Variants in PCDHGB1 observed in about 807,000 individuals in gnomAD.
The protein encoded by PCDHGB1 is protocadherin gamma subfamily B, 1.
In PCDHGB1, 34 loss-of-function variants were observed where a neutral mutation model predicts 56.6. That is an observed-to-expected ratio of 0.60 (90% CI 0.46 to 0.80). PCDHGB1 has a LOEUF of 0.80. Ranked by LOEUF, PCDHGB1 falls within the 30% of genes least tolerant of loss-of-function variation. The probability of loss-of-function intolerance (pLI) is 0.00; values close to 1 mark genes in which losing one functional copy is unlikely to be tolerated. For missense variants in PCDHGB1, 1,278 were observed against 1,204.6 expected (o/e 1.06, Z -0.90); for synonymous variants, 561 against 505.9 (o/e 1.11, Z -1.46).
intron 1 of PCDHGB1, among the ~76,000 whole-genome samples, chr5:141,482,799 C>T (rs933003208): frequency 6.6e-6 from 1 of 152,086 alleles, no homozygotes; most frequent in Non-Finnish European, 1.5e-5. Flanking sequence ...TGGCCGGGTA[C>T]GGTGGCTCAT....
intron 1 of PCDHGB1, chr5:141,389,481 C>G (rs372276550): frequency 3.7e-5 from 60 of 1,612,962 alleles, no homozygotes; most frequent in African/African-American, 8.0e-5. Flanking sequence ...ACTGCAGGCC[C>G]GCGACCAGGG....
At chr5:141,465,983 A>G (rs1219092160) in intron 1 of PCDHGB1, among the ~76,000 whole-genome samples, 1 of 151,944 alleles carries the variant, frequency 6.6e-6, no homozygotes, top group East Asian at 1.9e-4. Context: ...TTAGCCGGGC[A>G]TGGTGGCAGG....
Position 141,476,698 on chromosome 5 carries a change from G to C in PCDHGB1, c.2410-18109G>C, listed in dbSNP as rs2075661. Reference sequence around the variant, plus strand: ...CGCGGGAGGACAGCACCAAGTACGCGGAGCTGGTGTTGGAGCGCGCCCTGG... The same window carrying C: ...CGCGGGAGGACAGCACCAAGTACGCCGAGCTGGTGTTGGAGCGCGCCCTGG... On this transcript the variant is annotated intron_variant, in intron 1 of 3. Transcript: ENST00000523390. The surrounding 1 kb of genome is among the most constrained non-coding windows in gnomAD (Gnocchi z 7.6). The C allele has an allele frequency of 0.2, 326,683 of 1,614,030 alleles. 35,085 individuals carry two copies. Among genetic ancestry groups the C allele is most frequent in the Admixed American group, 0.37 (22,021 of 59,992 alleles).
At chr5:141,352,960 C>G (rs925936968) in intron 1 of PCDHGB1, among the ~76,000 whole-genome samples, 8 of 152,066 alleles carry the variant, frequency 5.3e-5, no homozygotes, top group Non-Finnish European at 1.2e-4. Context: ...TGCACTCCAG[C>G]CTGGGTGATG....
At chr5:141,509,319 G>A (rs1427191152) in intron 3 of PCDHGB1, among the ~76,000 whole-genome samples, 3 of 152,216 alleles carry the variant, frequency 2.0e-5, no homozygotes, top group African/African-American at 4.8e-5. Context: ...TGGGAGAGAA[G>A]CTCTACTGCC....
Position 141,511,403 on chromosome 5 carries a change from AC to A in PCDHGB1, c.*231del. ...TCCGCTGGGAACCCCCATCCAATCA[AC>A]TGCTGTACCCATGGGGGTAGTGGGG... is the stretch of plus-strand genomic sequence containing the variant. On this transcript the variant is annotated 3_prime_UTR_variant, in exon 4 of 4. Coordinates refer to ENST00000523390, the MANE Select transcript of PCDHGB1 (RefSeq NM_018922.3). 1.1e-6 allele frequency: 1 copy of A among 939,022 alleles called. No homozygotes were observed. The highest frequency in any genetic ancestry group is 1.5e-6 in the Non-Finnish European group (1 of 650,838). The allele number at this position is 939,022 out of a possible 1,614,324, so 58.2% of individuals were successfully genotyped here. A position where few individuals can be genotyped will look rare whatever the true frequency, so the allele number is the denominator to read the frequency against.
At chr5:141,443,790 T>A (rs1178101439) in intron 1 of PCDHGB1, among the ~76,000 whole-genome samples, 2 of 151,832 alleles carry the variant, frequency 1.3e-5, no homozygotes, top group Admixed American at 6.6e-5. Flanking sequence ...ACAAAAAAAA[T>A]GAAAAGGAAA....
chr5:141,491,795 C>G lies in PCDHGB1; in HGVS notation c.2410-3012C>G. The G allele has an allele frequency of 6.6e-7, 1 of 1,511,694 alleles. No individual in the cohort carries two copies. The highest frequency in any genetic ancestry group is 8.8e-7 in the Non-Finnish European group (1 of 1,130,430). The allele number at this position is 1,511,694 out of a possible 1,614,324, so 93.6% of individuals were successfully genotyped here. On this transcript the variant is annotated intron_variant, in intron 1 of 3. Transcript: ENST00000523390. The surrounding 1 kb of genome is among the most constrained non-coding windows in gnomAD (Gnocchi z 6.9). ...GGATTGAACTTGCATCCACTCCTCT[C>G]CGGCCGGCTTGGTCGCTGGCTGCGC...
chr5:141,436,859 A>G (rs550974791), intron 1 of PCDHGB1, among the ~76,000 whole-genome samples: 7 of 152,250 alleles, frequency 4.6e-5, no homozygotes, highest in Non-Finnish European at 1.0e-4. Flanking sequence ...TTGAGAAGCC[A>G]CAGTTTTAGG....
chr5:141,422,030 C>G, intron 1 of PCDHGB1: 1 of 1,609,592 alleles, frequency 6.2e-7, no homozygotes, highest in African/African-American at 1.3e-5. Flanking sequence ...GTTAATGCAA[C>G]GGATCCAGAC....
At chr5:141,413,827 G>A (rs2154544774) in intron 1 of PCDHGB1, 1 of 1,613,200 alleles carries the variant, frequency 6.2e-7, no homozygotes. Context: ...GGTCCTCACC[G>A]CCTCCGACGG....
At chr5:141,405,385 A>G in intron 1 of PCDHGB1, 1 of 1,600,058 alleles carries the variant, frequency 6.2e-7, no homozygotes, top group Non-Finnish European at 8.5e-7. Flanking sequence ...CGGTGAGTTC[A>G]TTTTTTTTCT....
At chr5:141,413,570 A>C in intron 1 of PCDHGB1, 1 of 1,613,930 alleles carries the variant, frequency 6.2e-7, no homozygotes. Context: ...GATATCAATG[A>C]CAATGCTCCA....
chr5:141,366,976 A>C, intron 1 of PCDHGB1: 1 of 544,366 alleles, frequency 1.8e-6, no homozygotes, highest in Non-Finnish European at 3.0e-6. Flanking sequence ...AAATACCTTA[A>C]AGGAAAGTGG....
At chr5:141,453,959 C>A (rs919037104) in intron 1 of PCDHGB1, among the ~76,000 whole-genome samples, 1 of 152,182 alleles carries the variant, frequency 6.6e-6, no homozygotes, top group African/African-American at 2.4e-5. Flanking sequence ...GCACAGACAG[C>A]AAAGCATGTA....
At chr5:141,440,822 A>T (rs1561900737) in intron 1 of PCDHGB1, 2 of 152,058 alleles carry the variant, frequency 1.3e-5, no homozygotes, top group Non-Finnish European at 2.9e-5. Context: ...TCAACTCCTG[A>T]TCCTATTGGT....
At chr5:141,372,522 G>T in intron 1 of PCDHGB1, 1 of 1,613,986 alleles carries the variant, frequency 6.2e-7, no homozygotes, top group Non-Finnish European at 8.5e-7. Context: ...GGTGATTCTG[G>T]CAATCTCCCT....
At chr5:141,494,364 G>A (rs1461560857) in intron 1 of PCDHGB1, among the ~76,000 whole-genome samples, 1 of 152,202 alleles carries the variant, frequency 6.6e-6, no homozygotes, top group African/African-American at 2.4e-5. Context: ...TGCAGAGGAT[G>A]CTTTGTTCCC....
chr5:141,456,178 A>G (rs1216202318), intron 1 of PCDHGB1, among the ~76,000 whole-genome samples: 1 of 151,926 alleles, frequency 6.6e-6, no homozygotes, highest in African/African-American at 2.4e-5. Context: ...ATTACAGAAT[A>G]ATTTCTTAAT....
Sources: allele counts gnomAD v4.1 joint callset (sites outside exome capture counted in the v4.1 genomes callset), GRCh38; gene constraint gnomAD v4.1.1; non-coding constraint Gnocchi (gnomAD v3.1); transcripts MANE v1.5; gene names NCBI Gene and HGNC (gene_info 2026-07-23, HGNC 2026-07-21).